Variants in ITGA6 observed in about 807,000 individuals in gnomAD.
ITGA6 encodes the protein integrin subunit alpha 6.
Under a neutral mutation model 133.6 loss-of-function variants are expected in ITGA6, and 63 were observed. The ratio of observed to expected loss-of-function variants is 0.47; its 90% CI spans 0.38 to 0.58. ITGA6 has a LOEUF of 0.58. ITGA6 is among the 20% of genes least tolerant of loss of function. The pLI, the probability that ITGA6 is intolerant of heterozygous loss-of-function variation, is 0.00. For missense variants in ITGA6, 1,068 were observed against 1,309.4 expected (o/e 0.82, Z 2.85); for synonymous variants, 434 against 482.0 (o/e 0.90, Z 1.30).
At chr2:172,472,764 A>AT (rs1685998173) in intron 5 of ITGA6, 2 of 1,555,880 alleles carry the variant, frequency 1.3e-6, no homozygotes, top group Admixed American at 1.7e-5. Flanking sequence ...CGTCCCGTGC[A>AT]TGCGTACAGG....
chr2:172,502,589 T>TA, intron 25 of ITGA6, among the ~76,000 whole-genome samples: 2 of 152,334 alleles, frequency 1.3e-5, no homozygotes, highest in Middle Eastern at 6.8e-3. Flanking sequence ...GATGATCCCT[T>TA]ACCAAAGTTA....
intron 23 of ITGA6, chr2:172,495,439 C>T (rs890503256): frequency 1.3e-5 from 2 of 152,222 alleles, no homozygotes; most frequent in Non-Finnish European, 2.9e-5. Context: ...GAATCACAGC[C>T]CACCCTTTGT....
chr2:172,498,361 A>C (rs972503895), intron 24 of ITGA6, among the ~76,000 whole-genome samples: 4 of 152,252 alleles, frequency 2.6e-5, no homozygotes, highest in African/African-American at 9.6e-5. Flanking sequence ...ATGTTTAGCA[A>C]ATAACAAATT....
intron 23 of ITGA6, among the ~76,000 whole-genome samples, chr2:172,494,984 A>T (rs376183425): frequency 6.6e-6 from 1 of 152,218 alleles, no homozygotes. Flanking sequence ...ACAACTTAAG[A>T]TACGGATCCT....
At chr2:172,454,202 G>A (rs1231767770) in intron 1 of ITGA6, among the ~76,000 whole-genome samples, 1 of 151,768 alleles carries the variant, frequency 6.6e-6, no homozygotes, top group African/African-American at 2.4e-5. Flanking sequence ...TCCTGCCTCA[G>A]CCTCCCGAGT....
At chr2:172,428,057 C>A in intron 1 of ITGA6, 87 bp downstream of exon 1, 1 of 1,419,568 alleles carries the variant, frequency 7.0e-7, no homozygotes, top group Non-Finnish European at 9.4e-7. Flanking sequence ...CCGCCGGCCC[C>A]GGGGAGTAGT....
chr2:172,497,882 A>G, intron 23 of ITGA6, 93 bp from the exon 24 acceptor site: 1 of 1,416,438 alleles, frequency 7.1e-7, no homozygotes, highest in South Asian at 1.2e-5. Context: ...GCATTGTCCA[A>G]AATATATTCA....
At chr2:172,455,212 C>G (rs1410846021) in intron 1 of ITGA6, among the ~76,000 whole-genome samples, 1 of 152,210 alleles carries the variant, frequency 6.6e-6, no homozygotes, top group African/African-American at 2.4e-5. Flanking sequence ...CTACCCAACT[C>G]AACGTCTCAT....
chr2:172,469,345 T>C lies in ITGA6; in HGVS notation c.608T>C (p.Ile203Thr), dbSNP rs1423277877. Residue 203 changes from isoleucine (I) to threonine (T), a missense_variant, in exon 4 of 26, where the codon ATT (isoleucine) becomes ACT (threonine). Ile to Thr is a moderately conservative substitution (Grantham distance 89, BLOSUM62 -1). Transcript: ENST00000684293. Reference protein sequence around the residue: ...AATFTKDFHYIVFGAPGTYNW... With the variant: ...AATFTKDFHYTVFGAPGTYNW... The stretch of plus-strand genomic sequence containing the variant: ...ACTTTTACTAAAGACTTTCATTACA[T>C]TGTATTTGGAGCCCCGGGTACTTAT... The C allele has an allele frequency of 6.2e-7, 1 of 1,613,948 alleles. No individual in the cohort carries two copies. Among genetic ancestry groups the C allele is most frequent in the East Asian group, 2.2e-5 (1 of 44,896 alleles).
At chr2:172,468,865 C>T in intron 3 of ITGA6, 1 of 431,090 alleles carries the variant, frequency 2.3e-6, no homozygotes, top group Non-Finnish European at 4.2e-6. Context: ...CCTATGGATA[C>T]AGATTGTCAT....
chr2:172,431,802 A>G (rs1684115206), intron 1 of ITGA6, among the ~76,000 whole-genome samples: 3 of 152,208 alleles, frequency 2.0e-5, no homozygotes, highest in Admixed American at 2.0e-4. Flanking sequence ...TTTAATTTTA[A>G]CACAGGCTGG....
chr2:172,472,762 G>A (rs1013132827), intron 5 of ITGA6: 8 of 1,534,152 alleles, frequency 5.2e-6, no homozygotes, highest in African/African-American at 4.1e-5. Context: ...TCCGTCCCGT[G>A]CATGCGTACA....
At chr2:172,473,893 T>G (rs1448231937) in intron 5 of ITGA6, among the ~76,000 whole-genome samples, 162 bp from the exon 6 acceptor site, 1 of 152,182 alleles carries the variant, frequency 6.6e-6, no homozygotes, top group East Asian at 1.9e-4. Flanking sequence ...TTGTGTCACA[T>G]CTGAACTCTG....
intron 1 of ITGA6, among the ~76,000 whole-genome samples, chr2:172,440,088 T>C (rs1294645961): frequency 1.3e-5 from 2 of 152,282 alleles, no homozygotes; most frequent in East Asian, 3.9e-4. Context: ...CACTGTTGTG[T>C]GGGTGTTTGC....
chr2:172,444,647 T>G (rs1251630990), intron 1 of ITGA6, among the ~76,000 whole-genome samples: 1 of 124,028 alleles, frequency 8.1e-6, no homozygotes, highest in African/African-American at 3.1e-5. Flanking sequence ...CCCAAGCATT[T>G]CAGAAAAATG....
chr2:172,446,846 T>C lies in ITGA6; in HGVS notation c.183-18693T>C, dbSNP rs560281907. Among the ~76,000 whole-genome samples the C allele has an allele frequency of 3.3e-5, 5 of 152,352 alleles. No homozygotes were observed. The South Asian group carries it at 1.0e-3, about 32-fold the overall frequency. ...TTTTATTGTGGCTCTTTAAGAGATG[T>C]CTTAGTGGTATGAATTGCTTGGTCA... On this transcript the variant is annotated intron_variant, in intron 1 of 25. Coordinates refer to ENST00000684293, the MANE Select transcript of ITGA6 (RefSeq NM_000210.4).
intron 1 of ITGA6, among the ~76,000 whole-genome samples, chr2:172,460,422 G>C (rs1685385273): frequency 6.6e-6 from 1 of 152,198 alleles, no homozygotes; most frequent in Non-Finnish European, 1.5e-5. Context: ...TTAAAACTCA[G>C]AGTAGCAAAT....
intron 13 of ITGA6, among the ~76,000 whole-genome samples, chr2:172,486,033 G>A (rs1012670657): frequency 4.6e-5 from 7 of 151,986 alleles, no homozygotes; most frequent in Admixed American, 3.3e-4. Flanking sequence ...AAAAGTTAGC[G>A]GGTATGATGG....
intron 19 of ITGA6, among the ~76,000 whole-genome samples, chr2:172,488,796 C>T (rs539015941): frequency 6.7e-4 from 102 of 152,262 alleles, no homozygotes; most frequent in African/African-American, 2.2e-3. Context: ...CACCTGACTC[C>T]GGCAGAATGA....
Sources: gnomAD v4.1 joint callset for allele counts (sites outside exome capture counted in the v4.1 genomes callset) on GRCh38, gnomAD v4.1.1 for gene constraint, MANE v1.5 for transcripts, NCBI Gene and HGNC (gene_info 2026-07-23, HGNC 2026-07-21) for gene names.